MAF: variants seen among roughly 807,000 people sequenced by gnomAD.
MAF encodes MAF bZIP transcription factor.
Under a neutral mutation model 22.0 loss-of-function variants are expected in MAF, and 10 were observed. That is an observed-to-expected ratio of 0.45 (90% CI 0.28 to 0.77). MAF has a LOEUF of 0.77. MAF is among the 30% of genes least tolerant of loss of function. MAF has a pLI of 0.12. For missense variants in MAF, 544 were observed against 548.4 expected (o/e 0.99, Z 0.08); for synonymous variants, 337 against 255.8 (o/e 1.32, Z -3.03).
the MAF span, among the ~76,000 whole-genome samples, chr16:79,572,895 C>T: frequency 0.13 from 19,863 of 152,178 alleles, 1,471 homozygotes; most frequent in East Asian, 0.26. Flanking sequence ...ATAGTCTGTG[C>T]TATAAGATGC....
the MAF span, among the ~76,000 whole-genome samples, chr16:79,353,124 ATT>A: frequency 3.0e-4 from 44 of 146,232 alleles, no homozygotes; most frequent in African/African-American, 8.0e-4. Flanking sequence ...CTCACCAGGA[ATT>A]TTTTTTTTTT....
the MAF span, among the ~76,000 whole-genome samples, chr16:79,437,138 C>CTGTGTGTGTG: frequency 9.2e-5 from 2 of 21,706 alleles, no homozygotes; most frequent in African/African-American, 2.7e-4. Flanking sequence ...AGAAAGCTCT[C>CTGTGTGTGTG]TCTCTCTCTG....
the MAF span, among the ~76,000 whole-genome samples, chr16:79,370,523 T>A: frequency 6.6e-6 from 1 of 152,156 alleles, no homozygotes; most frequent in Non-Finnish European, 1.5e-5. Flanking sequence ...TCTCTAAAGA[T>A]ATGAGCATCT....
downstream of MAF, among the ~76,000 whole-genome samples, chr16:79,585,066 A>T (rs918840261): frequency 2.0e-5 from 3 of 152,224 alleles, no homozygotes; most frequent in African/African-American, 7.2e-5. Context: ...ATTTTTAATT[A>T]AAAAAATCAA....
chr16:79,470,927 A>T, the MAF span, among the ~76,000 whole-genome samples: 3 of 152,246 alleles, frequency 2.0e-5, no homozygotes, highest in African/African-American at 7.2e-5. Context: ...TTATTCAGTT[A>T]ACTGGAAAAG....
chr16:79,267,961 T>G, the MAF span, among the ~76,000 whole-genome samples: 1 of 152,114 alleles, frequency 6.6e-6, no homozygotes, highest in South Asian at 2.1e-4. Context: ...TTTCCCCTGG[T>G]TCTCCGGCTT....
the MAF span, among the ~76,000 whole-genome samples, chr16:79,399,132 C>A: frequency 6.6e-6 from 1 of 152,186 alleles, no homozygotes; most frequent in Non-Finnish European, 1.5e-5. Flanking sequence ...TTGGAATGGA[C>A]AGACCTGCCA....
chr16:79,308,000 C>T, the MAF span, among the ~76,000 whole-genome samples: 1 of 152,214 alleles, frequency 6.6e-6, no homozygotes, highest in African/African-American at 2.4e-5. Context: ...CCTCTAAATT[C>T]ATTCATCTGC....
chr16:79,317,640 C>G, the MAF span, among the ~76,000 whole-genome samples: 1 of 152,130 alleles, frequency 6.6e-6, no homozygotes, highest in African/African-American at 2.4e-5. Context: ...GTGAACTAAG[C>G]CAACACTATC....
At chr16:79,520,467 ATC>A in the MAF span, among the ~76,000 whole-genome samples, 1 of 151,980 alleles carries the variant, frequency 6.6e-6, no homozygotes, top group South Asian at 2.1e-4. Flanking sequence ...TCTCTTCTCT[ATC>A]TCTCTGTGTG....
At chr16:79,491,032 A>G in the MAF span, among the ~76,000 whole-genome samples, 21 of 152,374 alleles carry the variant, frequency 1.4e-4, no homozygotes, top group Non-Finnish European at 1.9e-4. Flanking sequence ...ATGAGAATCA[A>G]TAAATGGAAA....
chr16:79,432,310 A>G, the MAF span, among the ~76,000 whole-genome samples: 1 of 152,128 alleles, frequency 6.6e-6, no homozygotes, highest in Non-Finnish European at 1.5e-5. Flanking sequence ...GGTCAATGAG[A>G]CCTCTTTATC....
chr16:79,435,587 C>T, the MAF span, among the ~76,000 whole-genome samples: 29 of 152,256 alleles, frequency 1.9e-4, no homozygotes, highest in African/African-American at 7.0e-4. Context: ...GAAACTGAGG[C>T]TCAGGAAGCT....
the MAF span, among the ~76,000 whole-genome samples, chr16:79,251,950 C>G: frequency 5.9e-5 from 9 of 152,178 alleles, no homozygotes; most frequent in Admixed American, 2.0e-4. Context: ...TGAAATATTC[C>G]ACAAATGCCT....
the MAF span, among the ~76,000 whole-genome samples, chr16:79,528,270 C>T: frequency 6.6e-6 from 1 of 152,078 alleles, no homozygotes; most frequent in African/African-American, 2.4e-5. Flanking sequence ...GCCCTTTGTC[C>T]CCTCTCATGG....
the MAF span, among the ~76,000 whole-genome samples, chr16:79,269,884 A>G: frequency 2.6e-5 from 4 of 152,088 alleles, no homozygotes; most frequent in South Asian, 8.3e-4. Context: ...CTCCATCGTC[A>G]CCCAAGCAAG....
chr16:79,435,215 TACAC>T, the MAF span, among the ~76,000 whole-genome samples: 1 of 151,568 alleles, frequency 6.6e-6, no homozygotes, highest in African/African-American at 2.4e-5. Flanking sequence ...CACATATATG[TACAC>T]ACACATACAA....
chr16:79,289,852 G>GTTTTTTTTT, the MAF span, among the ~76,000 whole-genome samples: 1 of 26,432 alleles, frequency 3.8e-5, no homozygotes, highest in Non-Finnish European at 7.5e-5. Flanking sequence ...GTTTGTTTGT[G>GTTTTTTTTT]TATTTTTTTT....
At chr16:79,452,130 A>T in the MAF span, among the ~76,000 whole-genome samples, 2 of 152,236 alleles carry the variant, frequency 1.3e-5, no homozygotes, top group Admixed American at 1.3e-4. Context: ...AGACTGCAAT[A>T]GAGACAGTGT....
Sources: allele counts gnomAD v4.1 joint callset (sites outside exome capture counted in the v4.1 genomes callset), GRCh38; gene constraint gnomAD v4.1.1; transcripts MANE v1.5; gene names NCBI Gene and HGNC (gene_info 2026-07-23, HGNC 2026-07-21).